ENOX1: variants seen among roughly 807,000 people sequenced by gnomAD.
ENOX1 encodes the protein ecto-NOX disulfide-thiol exchanger 1.
A neutral mutation model predicts 82.5 loss-of-function variants in ENOX1; 42 were observed. That is an observed-to-expected ratio of 0.51 (90% CI 0.40 to 0.66). ENOX1 has a LOEUF of 0.66. Among genes scored for constraint, ENOX1 ranks in the 30% least tolerant of loss-of-function variants. The pLI, the probability that ENOX1 is intolerant of heterozygous loss-of-function variation, is 0.00. For synonymous variants in ENOX1, 271 were observed against 282.2 expected (o/e 0.96, Z 0.40); for missense variants, 608 against 811.6 (o/e 0.75, Z 3.05).
chr13:43,409,399 A>G (rs1181254004), intron 5 of ENOX1, among the ~76,000 whole-genome samples: 4 of 152,198 alleles, frequency 2.6e-5, no homozygotes, highest in Non-Finnish European at 5.9e-5. Flanking sequence ...GTTTTAAAGC[A>G]AAATATTATT....
chr13:43,713,173 T>C (rs2087855769), intron 1 of ENOX1, among the ~76,000 whole-genome samples: 1 of 152,238 alleles, frequency 6.6e-6, no homozygotes, highest in South Asian at 2.1e-4. Flanking sequence ...GAGATAATTA[T>C]GTGGTTTTTG....
chr13:43,505,573 A>T (rs913938093), intron 2 of ENOX1, among the ~76,000 whole-genome samples: 1 of 152,062 alleles, frequency 6.6e-6, no homozygotes, highest in Non-Finnish European at 1.5e-5. Context: ...GTGTCTGTTT[A>T]TATCCTTCGC....
rs559209575 is a variant in ENOX1, at chr13:43,642,249, C to G, written c.-219+25230G>C. 2.0e-5 allele frequency among the ~76,000 whole-genome samples: 3 copies of G among 152,224 alleles called. No homozygotes were observed. In the East Asian group the frequency reaches 5.8e-4, roughly 29 times the overall value. Reference sequence around the variant, plus strand: ...ACATACACATATGAACACCCAGGTCCAGTTTTATCTGTCTCTCTTTATGGT... The same window carrying G: ...ACATACACATATGAACACCCAGGTCGAGTTTTATCTGTCTCTCTTTATGGT... On this transcript the variant is annotated intron_variant, in intron 2 of 16. Transcript: ENST00000690772.
intron 1 of ENOX1, among the ~76,000 whole-genome samples, chr13:43,758,598 T>C (rs947288532): frequency 1.3e-5 from 2 of 152,236 alleles, no homozygotes; most frequent in Admixed American, 6.5e-5. Context: ...TTGTAAGATA[T>C]GACTATTTGG....
intron 1 of ENOX1, among the ~76,000 whole-genome samples, chr13:43,704,439 A>G (rs2087117097): frequency 6.6e-6 from 1 of 152,078 alleles, no homozygotes; most frequent in Admixed American, 6.6e-5. Flanking sequence ...AGGGAAACCA[A>G]ATGAAGAAGG....
At chr13:43,507,957 T>G (rs527934544) in intron 2 of ENOX1, among the ~76,000 whole-genome samples, 41 of 152,184 alleles carry the variant, frequency 2.7e-4, no homozygotes, top group Middle Eastern at 6.8e-3. Context: ...AGAATCAACC[T>G]AACAATATTA....
chr13:43,532,725 T>A (rs1399488583), intron 2 of ENOX1, among the ~76,000 whole-genome samples: 3 of 152,064 alleles, frequency 2.0e-5, no homozygotes, highest in Non-Finnish European at 4.4e-5. Context: ...GATCCAAATG[T>A]CTTCCATCAA....
intron 9 of ENOX1, among the ~76,000 whole-genome samples, chr13:43,338,676 G>GTTTTTT (rs71099830): frequency 1.6e-4 from 13 of 81,274 alleles, no homozygotes; most frequent in Non-Finnish European, 2.5e-4. Context: ...TTCAGGTTGG[G>GTTTTTT]TTTTTTTTTT....
intron 14 of ENOX1, among the ~76,000 whole-genome samples, chr13:43,242,254 C>A (rs1165484276): frequency 6.6e-6 from 1 of 152,240 alleles, no homozygotes; most frequent in African/African-American, 2.4e-5. Flanking sequence ...ACATCTGCTA[C>A]ACAGGAGGTC....
intron 14 of ENOX1, among the ~76,000 whole-genome samples, chr13:43,261,073 A>C (rs776576955): frequency 6.6e-6 from 1 of 152,190 alleles, no homozygotes; most frequent in Non-Finnish European, 1.5e-5. Flanking sequence ...CTGGGCATGC[A>C]TTCGCAGATG....
chr13:43,283,794 T>C (rs903248451), intron 12 of ENOX1, among the ~76,000 whole-genome samples: 3 of 152,208 alleles, frequency 2.0e-5, no homozygotes, highest in South Asian at 2.1e-4. Flanking sequence ...TCACTGTTAC[T>C]AGTTTTTTTT....
chr13:43,680,738 A>G (rs2085742499), intron 1 of ENOX1, among the ~76,000 whole-genome samples: 1 of 152,186 alleles, frequency 6.6e-6, no homozygotes, highest in African/African-American at 2.4e-5. Context: ...CACAGCAAGT[A>G]CTCAAGGTTA....
intron 1 of ENOX1, among the ~76,000 whole-genome samples, chr13:43,728,398 C>T (rs926971358): frequency 2.0e-5 from 3 of 152,158 alleles, no homozygotes; most frequent in Admixed American, 6.5e-5. Flanking sequence ...CCATATCATA[C>T]CCATTTTCCA....
At chr13:43,759,050 CAGAA>C (rs1950811436) in intron 1 of ENOX1, among the ~76,000 whole-genome samples, 1 of 149,944 alleles carries the variant, frequency 6.7e-6, no homozygotes, top group Admixed American at 6.7e-5. Flanking sequence ...GAGAATGAAA[CAGAA>C]AGTTAAGTAA....
At chr13:43,219,410 G>A (rs1020211966) in intron 16 of ENOX1, among the ~76,000 whole-genome samples, 6 of 152,208 alleles carry the variant, frequency 3.9e-5, no homozygotes, top group Non-Finnish European at 8.8e-5. Flanking sequence ...AGCAAGTGGA[G>A]AGGATAGTCA....
intron 2 of ENOX1, among the ~76,000 whole-genome samples, chr13:43,506,234 A>G (rs78087039): frequency 0.22 from 33,610 of 151,646 alleles, 4,025 homozygotes; most frequent in Middle Eastern, 0.29. Context: ...CACCTGAAAA[A>G]ATGCTCATCA....
At chr13:43,731,423 G>C (rs2089337894) in intron 1 of ENOX1, among the ~76,000 whole-genome samples, 1 of 151,962 alleles carries the variant, frequency 6.6e-6, no homozygotes, top group African/African-American at 2.4e-5. Flanking sequence ...AAAAGTTCCT[G>C]TTGAAGATAT....
At chr13:43,741,238 C>A (rs1423739653) in intron 1 of ENOX1, among the ~76,000 whole-genome samples, 1 of 152,134 alleles carries the variant, frequency 6.6e-6, no homozygotes, top group African/African-American at 2.4e-5. Context: ...GCACATGCCA[C>A]CACGCCTGGC....
At chr13:43,657,262 C>T (rs970914201) in intron 2 of ENOX1, among the ~76,000 whole-genome samples, 3 of 152,216 alleles carry the variant, frequency 2.0e-5, no homozygotes, top group African/African-American at 7.2e-5. Context: ...TCAACTGTTA[C>T]ATAGGACTAG....
Sources: gnomAD v4.1 joint callset for allele counts (sites outside exome capture counted in the v4.1 genomes callset) on GRCh38, gnomAD v4.1.1 for gene constraint, MANE v1.5 for transcripts, NCBI Gene and HGNC (gene_info 2026-07-23, HGNC 2026-07-21) for gene names.